Variants in AOAH observed in about 807,000 individuals in gnomAD.
AOAH encodes the protein acyloxyacyl hydrolase, also known as acyloxyacyl hydrolase (neutrophil).
A neutral mutation model predicts 92.2 loss-of-function variants in AOAH; 64 were observed. The observed-to-expected ratio is 0.69, with a 90% confidence interval of 0.57 to 0.86. The LOEUF (loss-of-function observed/expected upper bound fraction) is 0.86. AOAH is among the 40% of genes least tolerant of loss of function. The pLI is 0.00. For synonymous variants in AOAH, 263 were observed against 254.5 expected (o/e 1.03, Z -0.32); for missense variants, 656 against 694.6 (o/e 0.94, Z 0.62).
chr7:36,568,331 T>A (rs1371232241), intron 13 of AOAH, among the ~76,000 whole-genome samples: 3 of 152,244 alleles, frequency 2.0e-5, no homozygotes, highest in Non-Finnish European at 2.9e-5. Flanking sequence ...AAAGAAGAAC[T>A]GTCCTTGCCT....
chr7:36,633,161 G>A (rs919532300), intron 5 of AOAH, among the ~76,000 whole-genome samples: 10 of 152,210 alleles, frequency 6.6e-5, no homozygotes, highest in Non-Finnish European at 1.0e-4. Flanking sequence ...GAAGAGAGAC[G>A]GCCTGAGGCT....
At chr7:36,658,731 AAG>A (rs1321303217) in intron 4 of AOAH, among the ~76,000 whole-genome samples, 4 of 152,256 alleles carry the variant, frequency 2.6e-5, no homozygotes, top group Non-Finnish European at 5.9e-5. Flanking sequence ...TTTTATGAGT[AAG>A]AGCAATAAGG....
At chr7:36,635,011 T>G (rs1793423992) in intron 5 of AOAH, among the ~76,000 whole-genome samples, 1 of 152,146 alleles carries the variant, frequency 6.6e-6, no homozygotes, top group Non-Finnish European at 1.5e-5. Context: ...AGGTTTTGAT[T>G]ATCTGGTCTT....
chr7:36,575,944 A>G (rs577592918), intron 13 of AOAH, among the ~76,000 whole-genome samples: 32 of 152,354 alleles, frequency 2.1e-4, no homozygotes, highest in African/African-American at 7.2e-4. Context: ...CAAGAGTGCC[A>G]AGGCTGATTA....
At chr7:36,522,430 T>G (rs979990679) in intron 19 of AOAH, among the ~76,000 whole-genome samples, 3 of 152,216 alleles carry the variant, frequency 2.0e-5, no homozygotes, top group African/African-American at 7.2e-5. Context: ...CATTTTTTGG[T>G]GGTGCAGTAG....
chr7:36,649,632 G>A (rs1187303486), intron 4 of AOAH, among the ~76,000 whole-genome samples: 2 of 152,178 alleles, frequency 1.3e-5, no homozygotes, highest in East Asian at 1.9e-4. Context: ...CATTCTAGCC[G>A]GCAATGGATA....
intron 11 of AOAH, among the ~76,000 whole-genome samples, chr7:36,606,237 G>T (rs1013851110): frequency 3.9e-5 from 6 of 152,160 alleles, no homozygotes; most frequent in African/African-American, 1.4e-4. Context: ...TGAGCGTAGG[G>T]TGACAGCTTC....
At chr7:36,571,232 C>T (rs1440801288) in intron 13 of AOAH, among the ~76,000 whole-genome samples, 2 of 152,188 alleles carry the variant, frequency 1.3e-5, no homozygotes, top group African/African-American at 4.8e-5. Flanking sequence ...TCAGGGTCCA[C>T]TTTTGCCCCC....
At chr7:36,569,575 C>G (rs1787975886) in intron 13 of AOAH, among the ~76,000 whole-genome samples, 2 of 113,212 alleles carry the variant, frequency 1.8e-5, no homozygotes, top group South Asian at 2.9e-4. Context: ...ACATATCTAT[C>G]TATCTATCTA....
At position 36,513,066 on chromosome 7, in the gene AOAH, G is replaced by C; in HGVS notation, c.*186C>G. ...GAACAGCGGAAGGGTTACTGATCCC[G>C]GGAGCACACAGCATTGCACAGTCGT... On this transcript the variant is annotated 3_prime_UTR_variant, in exon 21 of 21. Coordinates refer to ENST00000617537, the MANE Select transcript of AOAH (RefSeq NM_001637.4). 1.3e-6 allele frequency: 2 copies of C among 1,551,948 alleles called. No homozygotes were observed. The highest frequency in any genetic ancestry group is 1.7e-6 in the Non-Finnish European group (2 of 1,154,842).
At chr7:36,674,893 A>G (rs1796143662) in intron 2 of AOAH, among the ~76,000 whole-genome samples, 1 of 152,228 alleles carries the variant, frequency 6.6e-6, no homozygotes, top group Non-Finnish European at 1.5e-5. Flanking sequence ...AATAATGTGA[A>G]ATATTATTTT....
chr7:36,517,228 C>CTCTT (rs1783823269), intron 20 of AOAH, among the ~76,000 whole-genome samples: 1 of 54,782 alleles, frequency 1.8e-5, no homozygotes, highest in African/African-American at 6.0e-5. Flanking sequence ...TTCTTTCTGT[C>CTCTT]TCTCTCTCTC....
chr7:36,576,602 G>T lies in AOAH; in HGVS notation c.993C>A (p.His331Gln). 1 of 1,581,942 alleles carries T rather than the reference G, an allele frequency of 6.3e-7. No individual in the cohort carries two copies. Among genetic ancestry groups the T allele is most frequent in the Non-Finnish European group, 8.6e-7 (1 of 1,159,882 alleles). ...LRLWKRNHCN[H>Q]RDYQNISRNG... ...TTCTTGAAATATTCTGGTAGTCCCT[G>T]TGATTACAGTGGTTTCTTTTCCATA... Residue 331 changes from histidine to glutamine, a missense_variant, in exon 13 of 21, where the codon CAC (histidine) becomes CAA (glutamine). Physicochemically the swap from His to Gln is conservative, Grantham distance 24. Transcript: ENST00000617537.
intron 6 of AOAH, among the ~76,000 whole-genome samples, chr7:36,625,769 G>C (rs1179356760): frequency 6.6e-6 from 1 of 152,180 alleles, no homozygotes; most frequent in Non-Finnish European, 1.5e-5. Context: ...TGGGAGCGGA[G>C]GGGAATGAAG....
intron 1 of AOAH, among the ~76,000 whole-genome samples, chr7:36,704,729 A>G (rs1275906035): frequency 1.3e-5 from 2 of 152,214 alleles, no homozygotes; most frequent in African/African-American, 4.8e-5. Context: ...ATGAACATCA[A>G]TGCAAAAATC....
chr7:36,577,433 G>A (rs1307959376), intron 12 of AOAH, among the ~76,000 whole-genome samples: 1 of 152,176 alleles, frequency 6.6e-6, no homozygotes, highest in East Asian at 1.9e-4. Flanking sequence ...GGATCCCTGA[G>A]AACTGGGTGG....
chr7:36,573,741 A>T (rs1788301435), intron 13 of AOAH, among the ~76,000 whole-genome samples: 1 of 152,120 alleles, frequency 6.6e-6, no homozygotes, highest in Admixed American at 6.5e-5. Context: ...AATGCGTTAT[A>T]ATCACTGACT....
chr7:36,660,974 A>G (rs1795185637), intron 3 of AOAH: 1 of 152,242 alleles, frequency 6.6e-6, no homozygotes, highest in African/African-American at 2.4e-5. Flanking sequence ...GATTCAAACC[A>G]CAAGTCAAAC....
chr7:36,706,497 G>A (rs1299817999), intron 1 of AOAH, among the ~76,000 whole-genome samples: 3 of 152,082 alleles, frequency 2.0e-5, no homozygotes, highest in Non-Finnish European at 4.4e-5. Flanking sequence ...TTTTCATTAT[G>A]GTAAACAAGC....
Sources: gnomAD v4.1 joint callset for allele counts (sites outside exome capture counted in the v4.1 genomes callset) on GRCh38, gnomAD v4.1.1 for gene constraint, MANE v1.5 for transcripts, NCBI Gene and HGNC (gene_info 2026-07-23, HGNC 2026-07-21) for gene names.